Variants in DNER observed in about 807,000 individuals in gnomAD.
DNER encodes the protein delta/notch like EGF repeat containing.
Under a neutral mutation model 78.2 loss-of-function variants are expected in DNER, and 33 were observed. That is an observed-to-expected ratio of 0.42 (90% CI 0.32 to 0.56). The LOEUF (loss-of-function observed/expected upper bound fraction) is 0.56. DNER is among the 20% of genes least tolerant of loss of function. The pLI, the probability that DNER is intolerant of heterozygous loss-of-function variation, is 0.11. For synonymous variants in DNER, 417 were observed against 384.8 expected (o/e 1.08, Z -0.98); for missense variants, 918 against 975.3 (o/e 0.94, Z 0.78).
intron 9 of DNER, among the ~76,000 whole-genome samples, chr2:229,417,251 G>A (rs1238207811): frequency 1.3e-5 from 2 of 152,160 alleles, no homozygotes; most frequent in African/African-American, 2.4e-5. Context: ...GAGAAGCAAC[G>A]GTGAGGGCAA....
chr2:229,644,558 G>C (rs1698681562), intron 1 of DNER, among the ~76,000 whole-genome samples: 2 of 152,086 alleles, frequency 1.3e-5, no homozygotes, highest in Admixed American at 6.6e-5. Flanking sequence ...TGTTGGCCAA[G>C]CTGGTCTCTA....
At position 229,677,090 on chromosome 2, in the gene DNER, A is replaced by G. The variant is rs563932192; in HGVS notation, c.276+37058T>C. Among the ~76,000 whole-genome samples the G allele has an allele frequency of 3.3e-5, 5 of 152,142 alleles. No homozygotes were observed. In the South Asian group the frequency reaches 1.0e-3, roughly 32 times the overall value. On this transcript the variant is annotated intron_variant, in intron 1 of 12. Coordinates refer to ENST00000341772, the MANE Select transcript of DNER (RefSeq NM_139072.4). ...CTTTTTCATCTTCCTCTTAAAGACT[A>G]TTACTATCTTCTCCTCACAGCTTCA...
chr2:229,381,517 A>T (rs1692736186), intron 11 of DNER, among the ~76,000 whole-genome samples: 1 of 152,164 alleles, frequency 6.6e-6, no homozygotes, highest in Admixed American at 6.5e-5. Context: ...CAGCAAACTA[A>T]GATCCACTGG....
intron 8 of DNER, among the ~76,000 whole-genome samples, chr2:229,446,570 T>C (rs1434278457): frequency 1.3e-5 from 2 of 152,190 alleles, no homozygotes; most frequent in Non-Finnish European, 2.9e-5. Flanking sequence ...GGAAGCTTTC[T>C]AAAGAGCCAG....
intron 7 of DNER, among the ~76,000 whole-genome samples, chr2:229,448,875 C>T (rs1241051820): frequency 2.6e-5 from 4 of 152,100 alleles, no homozygotes; most frequent in South Asian, 4.1e-4. Context: ...ATTTAAGTTT[C>T]TATTTACTCA....
chr2:229,390,072 T>A (rs570936001), intron 10 of DNER, among the ~76,000 whole-genome samples: 75 of 152,302 alleles, frequency 4.9e-4, no homozygotes, highest in African/African-American at 1.7e-3. Context: ...TGCTGAGAAA[T>A]GTTAAAAGGA....
chr2:229,417,275 G>T (rs1051884266), intron 9 of DNER, among the ~76,000 whole-genome samples: 1 of 152,230 alleles, frequency 6.6e-6, no homozygotes, highest in African/African-American at 2.4e-5. Flanking sequence ...AAGGTCTCCA[G>T]CCAGGTGGAT....
intron 1 of DNER, among the ~76,000 whole-genome samples, chr2:229,661,006 A>C (rs927545946): frequency 1.3e-5 from 2 of 152,140 alleles, no homozygotes; most frequent in Non-Finnish European, 2.9e-5. Context: ...ACCTAATTAC[A>C]TTGTTTATTG....
chr2:229,576,967 G>C (rs1412318052), intron 4 of DNER, among the ~76,000 whole-genome samples: 2 of 152,274 alleles, frequency 1.3e-5, no homozygotes, highest in South Asian at 2.1e-4. Flanking sequence ...GAACTAATGG[G>C]ACTATCATGA....
chr2:229,635,695 TC>T (rs1698519324), intron 1 of DNER, among the ~76,000 whole-genome samples: 1 of 152,212 alleles, frequency 6.6e-6, no homozygotes, highest in African/African-American at 2.4e-5. Context: ...TCATTTTACT[TC>T]CTATTCACAA....
intron 6 of DNER, among the ~76,000 whole-genome samples, chr2:229,489,975 G>C (rs1177854779): frequency 6.6e-6 from 1 of 152,122 alleles, no homozygotes; most frequent in Non-Finnish European, 1.5e-5. Context: ...ACGAGGAAGA[G>C]AGAGTGGAAG....
At chr2:229,408,874 CT>C (rs1303771111) in intron 9 of DNER, among the ~76,000 whole-genome samples, 2 of 152,146 alleles carry the variant, frequency 1.3e-5, no homozygotes, top group African/African-American at 4.8e-5. Flanking sequence ...CAACAATATT[CT>C]GTCAGGTATT....
chr2:229,401,050 G>T (rs1693256513), intron 10 of DNER, among the ~76,000 whole-genome samples: 1 of 152,040 alleles, frequency 6.6e-6, no homozygotes, highest in Admixed American at 6.6e-5. Context: ...AGGATATGCA[G>T]ATATCAAATA....
chr2:229,667,709 A>G (rs1436710113), intron 1 of DNER, among the ~76,000 whole-genome samples: 1 of 152,208 alleles, frequency 6.6e-6, no homozygotes, highest in Non-Finnish European at 1.5e-5. Flanking sequence ...AGTGTCCTAA[A>G]ATGAAAGCTG....
chr2:229,489,224 G>A (rs79971039), intron 6 of DNER, among the ~76,000 whole-genome samples: 20,330 of 152,226 alleles, frequency 0.13, 1,445 homozygotes, highest in South Asian at 0.21. Flanking sequence ...TCACCCAGGC[G>A]GCAGATGCCA....
intron 8 of DNER, among the ~76,000 whole-genome samples, chr2:229,446,303 GGA>G (rs1251551376): frequency 6.6e-6 from 1 of 152,222 alleles, no homozygotes; most frequent in Non-Finnish European, 1.5e-5. Context: ...GCCCTAAGGA[GGA>G]GAGAGACACA....
At chr2:229,403,861 C>T (rs1210895210) in intron 10 of DNER, among the ~76,000 whole-genome samples, 6 of 151,934 alleles carry the variant, frequency 3.9e-5, no homozygotes, top group Non-Finnish European at 8.8e-5. Context: ...AGCAGAGGGG[C>T]CCAGGACAAG....
chr2:229,482,275 A>AGAC (rs1574862858), intron 6 of DNER, among the ~76,000 whole-genome samples: 4 of 152,336 alleles, frequency 2.6e-5, no homozygotes, highest in East Asian at 3.9e-4. Flanking sequence ...GACTCCAGCA[A>AGAC]TGGTCGCCCA....
chr2:229,468,014 C>A (rs546577590), intron 7 of DNER, among the ~76,000 whole-genome samples: 1 of 152,276 alleles, frequency 6.6e-6, no homozygotes, highest in East Asian at 1.9e-4. Flanking sequence ...GGGGATAAGA[C>A]GACAGCACTG....
Sources: allele counts gnomAD v4.1 joint callset (sites outside exome capture counted in the v4.1 genomes callset), GRCh38; gene constraint gnomAD v4.1.1; transcripts MANE v1.5; gene names NCBI Gene and HGNC (gene_info 2026-07-23, HGNC 2026-07-21).